Variants in DLC1 observed in about 807,000 individuals in gnomAD.
The protein encoded by DLC1 is DLC1 Rho GTPase activating protein, also known as rho GTPase-activating protein 7.
In DLC1, 54 loss-of-function variants were observed where a neutral mutation model predicts 140.3. The ratio of observed to expected loss-of-function variants is 0.38; its 90% CI spans 0.31 to 0.48. The LOEUF (loss-of-function observed/expected upper bound fraction) is 0.48. DLC1 is among the 20% of genes least tolerant of loss of function. The probability of loss-of-function intolerance (pLI) is 0.96; values close to 1 mark genes in which losing one functional copy is unlikely to be tolerated. For missense variants in DLC1, 2,536 were observed against 1,907.0 expected, an observed-to-expected ratio of 1.33 and a Z score of -6.14; for synonymous variants, 986 against 728.1, an observed-to-expected ratio of 1.35 and a Z score of -5.70.
chr8:13,308,470 A>G (rs373619247), intron 4 of DLC1, among the ~76,000 whole-genome samples: 2 of 152,324 alleles, frequency 1.3e-5, no homozygotes, highest in Admixed American at 1.3e-4. Context: ...TCTCTCTAGA[A>G]AGTTGTTTAT....
At chr8:13,314,266 T>C (rs1832784731) in intron 4 of DLC1, among the ~76,000 whole-genome samples, 1 of 148,442 alleles carries the variant, frequency 6.7e-6, no homozygotes. Context: ...ACATATTATA[T>C]ATGTATATTC....
intron 4 of DLC1, among the ~76,000 whole-genome samples, chr8:13,339,200 A>G (rs1281539185): frequency 1.3e-5 from 2 of 152,236 alleles, no homozygotes; most frequent in South Asian, 2.1e-4. Context: ...GAAATGATGC[A>G]CGTAAGAAAA....
chr8:13,300,017 G>T (rs2117498545), intron 5 of DLC1, among the ~76,000 whole-genome samples: 1 of 152,182 alleles, frequency 6.6e-6, no homozygotes, highest in African/African-American at 2.4e-5. Context: ...CAATAGCAAA[G>T]ACATGGAATC....
intron 5 of DLC1, among the ~76,000 whole-genome samples, chr8:13,291,232 G>C (rs941213320): frequency 7.9e-5 from 12 of 152,114 alleles, no homozygotes; most frequent in African/African-American, 2.9e-4. Flanking sequence ...TCTTTAGTTG[G>C]GTGAGATTCC....
At chr8:13,240,063 A>AGG in intron 5 of DLC1, among the ~76,000 whole-genome samples, 1 of 152,264 alleles carries the variant, frequency 6.6e-6, no homozygotes, top group South Asian at 2.1e-4. Flanking sequence ...ACGTGGGAAC[A>AGG]AGATTAGGGG....
chr8:13,576,736 T>G (rs909515750), intron 1 of DLC1, among the ~76,000 whole-genome samples: 2 of 152,180 alleles, frequency 1.3e-5, no homozygotes, highest in Non-Finnish European at 1.5e-5. Flanking sequence ...GAGTAGGGTA[T>G]GATCAGTACA....
chr8:13,151,141 G>A (rs539582337), intron 5 of DLC1, among the ~76,000 whole-genome samples: 2 of 152,322 alleles, frequency 1.3e-5, no homozygotes, highest in African/African-American at 4.8e-5. Context: ...AGATCTGTGG[G>A]CAGATGTCTG....
At chr8:13,372,699 G>C (rs548034983) in intron 4 of DLC1, among the ~76,000 whole-genome samples, 2 of 152,100 alleles carry the variant, frequency 1.3e-5, no homozygotes, top group Non-Finnish European at 2.9e-5. Flanking sequence ...ATAGTGGAAA[G>C]TTCAAGGCAT....
Position 13,316,193 on chromosome 8 carries a change from C to G in DLC1, c.1315-10891G>C, listed in dbSNP as rs1252196653. Among the ~76,000 whole-genome samples, 3 of 152,104 alleles carry G rather than the reference C, an allele frequency of 2.0e-5. No homozygotes were observed. The East Asian group carries it at 5.8e-4, about 29-fold the overall frequency. On this transcript the variant is annotated intron_variant, in intron 4 of 17. Coordinates refer to ENST00000276297, the MANE Select transcript of DLC1 (RefSeq NM_182643.3). ...TCCAACGATGCCTCCCTACCAGCCA[C>G]TTGATCTACTAGCTAGTGTGGTCTG...
At chr8:13,157,796 C>G (rs913113978) in intron 5 of DLC1, among the ~76,000 whole-genome samples, 5 of 152,334 alleles carry the variant, frequency 3.3e-5, no homozygotes, top group South Asian at 2.1e-4. Context: ...TTTTATTACA[C>G]TTGGAATCAT....
chr8:13,235,159 T>C (rs1195822758), intron 5 of DLC1, among the ~76,000 whole-genome samples: 3 of 152,074 alleles, frequency 2.0e-5, no homozygotes, highest in Non-Finnish European at 4.4e-5. Flanking sequence ...TCTATTTAGC[T>C]GTGAAAAGCT....
intron 5 of DLC1, among the ~76,000 whole-genome samples, chr8:13,203,183 G>A (rs894339255): frequency 9.2e-5 from 14 of 152,108 alleles, no homozygotes; most frequent in African/African-American, 2.9e-4. Context: ...GTTCACTTAC[G>A]TGCTGTTCAA....
At chr8:13,571,626 G>C (rs1014980183) in intron 1 of DLC1, among the ~76,000 whole-genome samples, 14 of 152,190 alleles carry the variant, frequency 9.2e-5, no homozygotes. Context: ...CACTTGCATT[G>C]CTCCCACTTT....
At position 13,399,940 on chromosome 8, in the gene DLC1, G is replaced by A. The variant is rs151103872; in HGVS notation, c.1173+1530C>T. Among the ~76,000 whole-genome samples the A allele has an allele frequency of 8.9e-4, 136 of 152,200 alleles. 2 individuals are homozygous for A. In the East Asian group the frequency reaches 0.023, roughly 26 times the overall value. ...AGTGAAGTATGAGGATGGGGCAGAG[G>A]CAGTTTGTCCTCTGTATCTGGGTCA... On this transcript the variant is annotated intron_variant, in intron 3 of 17. Coordinates refer to ENST00000276297, the MANE Select transcript of DLC1 (RefSeq NM_182643.3).
At chr8:13,109,738 A>C (rs1819909145) in intron 7 of DLC1, among the ~76,000 whole-genome samples, 1 of 151,828 alleles carries the variant, frequency 6.6e-6, no homozygotes, top group East Asian at 1.9e-4. Context: ...ACACAAAATT[A>C]GCTGGGCGTG....
intron 4 of DLC1, among the ~76,000 whole-genome samples, chr8:13,353,834 G>T (rs1188699020): frequency 6.6e-6 from 1 of 151,876 alleles, no homozygotes. Flanking sequence ...TCCAGCCTGG[G>T]GGACAAGAGT....
chr8:13,319,573 C>G (rs1180521973), intron 4 of DLC1, among the ~76,000 whole-genome samples: 2 of 124,618 alleles, frequency 1.6e-5, no homozygotes, highest in African/African-American at 5.5e-5. Context: ...TTTCCCCTCG[C>G]CCTCTTCCTC....
At chr8:13,547,809 C>T (rs758833003) in intron 1 of DLC1, among the ~76,000 whole-genome samples, 2 of 152,018 alleles carry the variant, frequency 1.3e-5, no homozygotes, top group Admixed American at 6.6e-5. Flanking sequence ...TCTCTAGAGA[C>T]TTTGTTGAAT....
At position 13,194,065 on chromosome 8, in the gene DLC1, G is replaced by T. The variant is rs74745037; in HGVS notation, c.1349-78408C>A. On this transcript the variant is annotated intron_variant, in intron 5 of 17. Transcript: ENST00000276297. ...AGAGAGTGGCTAGGGCTTGGTCTCA[G>T]AATAAAAGAAACTTCTCAGTTCACC... is the stretch of plus-strand genomic sequence containing the variant. Among the ~76,000 whole-genome samples the T allele has an allele frequency of 5.8e-3, 879 of 152,286 alleles. 7 individuals carry two copies. The highest frequency in any genetic ancestry group is 0.02 in the African/African-American group (824 of 41,560).
Sources: allele counts gnomAD v4.1 joint callset (sites outside exome capture counted in the v4.1 genomes callset), GRCh38; gene constraint gnomAD v4.1.1; transcripts MANE v1.5; gene names NCBI Gene and HGNC (gene_info 2026-07-23, HGNC 2026-07-21).